Variants in B4GALT1 observed in about 807,000 individuals in gnomAD.
B4GALT1 encodes the protein N-acetyllactosamine synthase.
B4GALT1 carries 16 observed loss-of-function variants against 34.9 expected under a neutral mutation model. The ratio of observed to expected loss-of-function variants is 0.46; its 90% confidence interval spans 0.31 to 0.70. The LOEUF is 0.70. Among genes scored for constraint, B4GALT1 ranks in the 30% least tolerant of loss-of-function variants. The pLI is 0.05. For synonymous variants in B4GALT1, 221 were observed against 218.1 expected (o/e 1.01, Z -0.12); for missense variants, 445 against 530.5 (o/e 0.84, Z 1.58).
intron 1 of B4GALT1, among the ~76,000 whole-genome samples, chr9:33,139,061 CAG>C (rs1233046894): frequency 1.3e-5 from 2 of 152,200 alleles, no homozygotes; most frequent in Non-Finnish European, 2.9e-5. Context: ...AGCACCAAGC[CAG>C]AGAGTCTTTA....
At chr9:33,126,450 G>GT (rs1554685826) in intron 2 of B4GALT1, among the ~76,000 whole-genome samples, 1 of 152,102 alleles carries the variant, frequency 6.6e-6, no homozygotes, top group Non-Finnish European at 1.5e-5. Context: ...TGTTGTTGTT[G>GT]TTTTTTTGCA....
At chr9:33,104,909 T>C in intron 2 of B4GALT1, 1 of 369,014 alleles carries the variant, frequency 2.7e-6, no homozygotes, top group Non-Finnish European at 5.3e-6. Flanking sequence ...AACTTCCACC[T>C]CTTGGGTTCA....
At chr9:33,131,022 G>A (rs1840187485) in intron 2 of B4GALT1, among the ~76,000 whole-genome samples, 1 of 152,148 alleles carries the variant, frequency 6.6e-6, no homozygotes, top group South Asian at 2.1e-4. Flanking sequence ...CCACCAAGGA[G>A]GAAACTGAGG....
chr9:33,115,848 G>T, intron 4 of B4GALT1, 143 bp downstream of exon 4: 2 of 1,084,570 alleles, frequency 1.8e-6, no homozygotes, highest in South Asian at 2.5e-5. Context: ...TGCAGGACCT[G>T]TAGGAAGCCA....
chr9:33,154,411 A>T (rs1384555527), intron 1 of B4GALT1, among the ~76,000 whole-genome samples: 1 of 152,156 alleles, frequency 6.6e-6, no homozygotes, highest in Admixed American at 6.5e-5. Context: ...AAGACTGGAT[A>T]TTTTCCCCCT....
intron 4 of B4GALT1, 62 bp from the exon 5 acceptor site, chr9:33,113,940 C>CTAATCTGCAAAGAGTAAAGGGAAA: frequency 6.8e-7 from 1 of 1,466,210 alleles, no homozygotes. Flanking sequence ...CTGAGAGCCC[C>CTAATCTGCAAAGAGTAAAGGGAAA]GGCTGCAAGA....
intron 1 of B4GALT1, among the ~76,000 whole-genome samples, chr9:33,151,951 A>G (rs1281554284): frequency 1.3e-5 from 2 of 152,212 alleles, no homozygotes; most frequent in East Asian, 1.9e-4. Context: ...TCATTTTGGG[A>G]TGGTGAAGAC....
upstream of B4GALT1, among the ~76,000 whole-genome samples, chr9:33,167,519 C>G (rs1405317985): frequency 6.6e-6 from 1 of 152,172 alleles, no homozygotes; most frequent in African/African-American, 2.4e-5. Flanking sequence ...GTCGTGGGGT[C>G]CCCGGAGTAT....
chr9:33,127,987 A>C (rs1840137392), intron 2 of B4GALT1, among the ~76,000 whole-genome samples: 1 of 152,158 alleles, frequency 6.6e-6, no homozygotes, highest in Non-Finnish European at 1.5e-5. Context: ...CCTCCCCCTG[A>C]CCAGCAGGGC....
upstream of B4GALT1, among the ~76,000 whole-genome samples, chr9:33,171,697 G>C (rs554195441): frequency 2.6e-5 from 4 of 152,190 alleles, no homozygotes; most frequent in Non-Finnish European, 5.9e-5. Flanking sequence ...TGGGACTACC[G>C]GGATGCGCCT....
intron 2 of B4GALT1, 104 bp downstream of exon 2, chr9:33,135,085 G>A (rs199678044): frequency 1.7e-6 from 2 of 1,194,218 alleles, no homozygotes; most frequent in Non-Finnish European, 2.4e-6. Context: ...TAAGTGCCAG[G>A]TGTCTGTGAA....
chr9:33,130,253 G>A (rs1230868412), intron 2 of B4GALT1, among the ~76,000 whole-genome samples: 2 of 152,284 alleles, frequency 1.3e-5, no homozygotes, highest in East Asian at 3.9e-4. Context: ...GTGCTACCAG[G>A]TGGTGACCTG....
intron 2 of B4GALT1, among the ~76,000 whole-genome samples, chr9:33,123,901 C>T (rs561793957): frequency 3.3e-5 from 5 of 152,258 alleles, no homozygotes; most frequent in East Asian, 1.9e-4. Flanking sequence ...CCCCAGTGTC[C>T]GGCCCAGACT....
At chr9:33,160,972 A>C (rs372194303) in intron 1 of B4GALT1, among the ~76,000 whole-genome samples, 1 of 152,046 alleles carries the variant, frequency 6.6e-6, no homozygotes, top group Non-Finnish European at 1.5e-5. Context: ...GGCAAAAGCA[A>C]AGACCCATAC....
At chr9:33,176,649 G>A in the B4GALT1 span, among the ~76,000 whole-genome samples, 116,238 of 152,060 alleles carry the variant, frequency 0.76, 44,761 homozygotes, top group East Asian at 0.87. Context: ...GTGGGAGCTA[G>A]ACATTGAGTA....
At chr9:33,176,215 G>A in the B4GALT1 span, among the ~76,000 whole-genome samples, 1 of 152,150 alleles carries the variant, frequency 6.6e-6, no homozygotes, top group Non-Finnish European at 1.5e-5. Flanking sequence ...CCGGTAACTT[G>A]TTCAAGATGC....
intron 2 of B4GALT1, among the ~76,000 whole-genome samples, chr9:33,127,057 G>T (rs2118103643): frequency 1.3e-5 from 2 of 152,256 alleles, no homozygotes; most frequent in South Asian, 4.1e-4. Flanking sequence ...CGCCTCCCGG[G>T]TTCATATCAT....
chr9:33,141,464 C>A (rs1377399167), intron 1 of B4GALT1, among the ~76,000 whole-genome samples: 1 of 152,112 alleles, frequency 6.6e-6, no homozygotes, highest in Non-Finnish European at 1.5e-5. Flanking sequence ...TTGCAGTGAG[C>A]CGAAATCACG....
chr9:33,124,655 C>T (rs1840067349), intron 2 of B4GALT1, among the ~76,000 whole-genome samples: 1 of 152,184 alleles, frequency 6.6e-6, no homozygotes, highest in Non-Finnish European at 1.5e-5. Context: ...CACTGCCTGA[C>T]AACAAATGTT....
Sources: allele counts gnomAD v4.1 joint callset (sites outside exome capture counted in the v4.1 genomes callset), GRCh38; gene constraint gnomAD v4.1.1; transcripts MANE v1.5; gene names NCBI Gene and HGNC (gene_info 2026-07-23, HGNC 2026-07-21).